The following CFAP20DC variants were observed in gnomAD, a reference collection of about 807,000 sequenced individuals.
CFAP20DC encodes the protein CFAP20 domain containing, also known as protein CFAP20DC.
In CFAP20DC, 84 loss-of-function variants were observed where a neutral mutation model predicts 101.7. That is an observed-to-expected ratio of 0.83 (90% CI 0.69 to 0.99). The LOEUF (loss-of-function observed/expected upper bound fraction) is 0.99. CFAP20DC is among the 50% of genes least tolerant of loss of function. CFAP20DC has a pLI of 0.00. For synonymous variants in CFAP20DC, 359 were observed against 351.2 expected, an observed-to-expected ratio of 1.02 and a Z score of -0.25; for missense variants, 1,007 against 970.3, an observed-to-expected ratio of 1.04 and a Z score of -0.50.
intron 15 of CFAP20DC, among the ~76,000 whole-genome samples, chr3:58,754,116 G>A (rs1325649408): frequency 2.0e-5 from 3 of 152,148 alleles, no homozygotes; most frequent in Non-Finnish European, 4.4e-5. Flanking sequence ...TATTATTGTT[G>A]TTATTAAATT....
intron 14 of CFAP20DC, 134 bp downstream of exon 14, chr3:58,831,551 GA>G: frequency 1.5e-6 from 1 of 672,848 alleles, no homozygotes; most frequent in Non-Finnish European, 2.6e-6. Flanking sequence ...CACTATTTCA[GA>G]ATGGACTCTG....
intron 4 of CFAP20DC, among the ~76,000 whole-genome samples, chr3:59,026,149 TA>T (rs1294394384): frequency 6.6e-6 from 1 of 152,192 alleles, no homozygotes; most frequent in Non-Finnish European, 1.5e-5. Flanking sequence ...CAAGTACATT[TA>T]ATTTGACATA....
chr3:58,764,032 T>A (rs987884878), intron 15 of CFAP20DC, among the ~76,000 whole-genome samples: 2 of 152,186 alleles, frequency 1.3e-5, no homozygotes, highest in African/African-American at 4.8e-5. Flanking sequence ...TCAAGCTGCA[T>A]GCTGGGAGAA....
chr3:59,047,155 T>A lies in CFAP20DC; in HGVS notation c.111+10A>T. ...CCCTGATTTATGTGGCTCTAATTTC[T>A]AATACTTACTTTCCAAATCACAGAT... On this transcript the variant is annotated intron_variant, in intron 2 of 16. Coordinates refer to ENST00000482387, the MANE Select transcript of CFAP20DC (RefSeq NM_001394063.1). 6.6e-7 allele frequency: 1 copy of A among 1,511,922 alleles called. No individual in the cohort carries two copies. 93.7% of individuals were successfully genotyped at this position (1,511,922 alleles called of 1,614,324 possible).
At chr3:58,918,103 T>C (rs2084934979) in intron 5 of CFAP20DC, among the ~76,000 whole-genome samples, 1 of 152,202 alleles carries the variant, frequency 6.6e-6, no homozygotes, top group African/African-American at 2.4e-5. Context: ...TGCATTTTTC[T>C]AAGAGTCTTA....
intron 16 of CFAP20DC, among the ~76,000 whole-genome samples, chr3:58,749,233 A>C (rs761617150): frequency 1.3e-5 from 2 of 152,162 alleles, no homozygotes; most frequent in Non-Finnish European, 2.9e-5. Context: ...GGCATTGGGG[A>C]TACCAGAGTT....
At chr3:58,831,024 C>CACTG (rs993354431) in intron 14 of CFAP20DC, among the ~76,000 whole-genome samples, 39 of 152,178 alleles carry the variant, frequency 2.6e-4, no homozygotes, top group African/African-American at 8.7e-4. Flanking sequence ...TGGGCTCCAC[C>CACTG]ACTGACCAGG....
chr3:58,999,843 TAAAA>T (rs565894929), intron 4 of CFAP20DC, among the ~76,000 whole-genome samples: 1 of 76,794 alleles, frequency 1.3e-5, no homozygotes, highest in Non-Finnish European at 2.8e-5. Flanking sequence ...GTCACTAATG[TAAAA>T]AAAAAAAAAA....
At chr3:59,021,866 C>A (rs1478696533) in intron 4 of CFAP20DC, among the ~76,000 whole-genome samples, 1 of 152,062 alleles carries the variant, frequency 6.6e-6, no homozygotes, top group African/African-American at 2.4e-5. Flanking sequence ...GAGGGCTGGA[C>A]CAACTTTTGC....
At chr3:58,898,678 A>G (rs2082880671) in intron 6 of CFAP20DC, among the ~76,000 whole-genome samples, 1 of 152,116 alleles carries the variant, frequency 6.6e-6, no homozygotes, top group African/African-American at 2.4e-5. Flanking sequence ...TCTGAAGCCT[A>G]CTTGTCAGTT....
At position 58,964,073 on chromosome 3, in the gene CFAP20DC, T is replaced by C. The variant is rs1248929156; in HGVS notation, c.279-26311A>G. On this transcript the variant is annotated intron_variant, in intron 4 of 16. Coordinates refer to ENST00000482387, the MANE Select transcript of CFAP20DC (RefSeq NM_001394063.1). This position sits in a 1 kb window ranked among gnomAD's most constrained non-coding sequence, Gnocchi z 4.1. The stretch of plus-strand genomic sequence containing the variant: ...TTCTAGCTGTCACAAGGTTTTTCTT[T>C]TTCTCTAGCAGTTAAACAAGCACTG... Among the ~76,000 whole-genome samples the C allele has an allele frequency of 2.0e-5, 3 of 152,234 alleles. No homozygotes were observed. The East Asian group carries it at 5.8e-4, about 29-fold the overall frequency.
chr3:58,930,626 G>T (rs1460829463), intron 5 of CFAP20DC, among the ~76,000 whole-genome samples: 4 of 152,152 alleles, frequency 2.6e-5, no homozygotes, highest in Admixed American at 6.5e-5. Flanking sequence ...CAGCCCTCAG[G>T]ACAGAGCCTT....
At chr3:58,818,184 T>C (rs1169769383) in intron 14 of CFAP20DC, among the ~76,000 whole-genome samples, 6 of 151,174 alleles carry the variant, frequency 4.0e-5, no homozygotes, top group Admixed American at 2.6e-4. Flanking sequence ...CGCTGCAAAA[T>C]CATGCCAAAA....
Position 59,046,289 on chromosome 3 carries a change from C to T in CFAP20DC, c.145G>A (p.Val49Ile), listed in dbSNP as rs1480976304. 2.0e-6 allele frequency: 3 copies of T among 1,531,240 alleles called. No individual in the cohort carries two copies. In the Admixed American group the frequency reaches 6.0e-5, roughly 30 times the overall value. The allele number at this position is 1,531,240 out of a possible 1,614,324, so 94.9% of individuals were successfully genotyped here. The change falls in exon 3 of 17, where the codon GTC becomes ATC. Residue 49 changes from valine (V) to isoleucine (I), a missense_variant. Transcript: ENST00000482387. The part of the protein sequence containing the change: ...FDKEVKSFVF[V>I]LEGSSQTNKI... ...TTTGTTTGGCTGCTGCCTTCCAGGA[C>T]AAACACAAAACTTTTAACTTCTTTA...
intron 7 of CFAP20DC, among the ~76,000 whole-genome samples, chr3:58,870,923 A>AG (rs2080148057): frequency 6.8e-6 from 1 of 148,046 alleles, no homozygotes; most frequent in Non-Finnish European, 1.5e-5. Flanking sequence ...AAAAAAAAAA[A>AG]AGAAAAAAGG....
rs146038111 is a variant in CFAP20DC, at chr3:58,913,383, C to T, written c.550+325G>A. Among the ~76,000 whole-genome samples, 428 of 152,066 alleles carry T rather than the reference C, an allele frequency of 2.8e-3. No individual in the cohort carries two copies. The highest frequency in any genetic ancestry group is 6.8e-3 in the Middle Eastern group (2 of 294). On this transcript the variant is annotated intron_variant, in intron 6 of 16. Transcript: ENST00000482387. This position sits in a 1 kb window ranked among gnomAD's most constrained non-coding sequence, Gnocchi z 4.4. The stretch of plus-strand genomic sequence containing the variant: ...TGAGATTCTATGAACTGTCTGATTT[C>T]CTTAAATAAATTCCTGTTCTTTTTC...
chr3:58,814,491 T>C (rs1301159468), intron 14 of CFAP20DC, among the ~76,000 whole-genome samples: 1 of 151,188 alleles, frequency 6.6e-6, no homozygotes, highest in Non-Finnish European at 1.5e-5. Context: ...AACATAGTGT[T>C]GGAAGTTCTG....
chr3:58,838,108 A>G (rs998165276), intron 13 of CFAP20DC, among the ~76,000 whole-genome samples: 3 of 152,200 alleles, frequency 2.0e-5, no homozygotes, highest in African/African-American at 7.2e-5. Flanking sequence ...TAAGTGACAC[A>G]TATTTGTGCG....
chr3:58,766,264 C>T (rs550177718), intron 15 of CFAP20DC, among the ~76,000 whole-genome samples: 1 of 152,158 alleles, frequency 6.6e-6, no homozygotes, highest in African/African-American at 2.4e-5. Context: ...TTTACAAAAA[C>T]AGGCAGTGGG....
Sources: gnomAD v4.1 joint callset for allele counts (sites outside exome capture counted in the v4.1 genomes callset) on GRCh38, gnomAD v4.1.1 for gene constraint, Gnocchi (gnomAD v3.1) non-coding constraint, MANE v1.5 for transcripts, NCBI Gene and HGNC (gene_info 2026-07-23, HGNC 2026-07-21) for gene names.